The following FBXO34 variants were observed in gnomAD, a reference collection of about 807,000 sequenced individuals.
FBXO34 encodes the protein F-box protein 34.
In FBXO34, 12 loss-of-function variants were observed where a neutral mutation model predicts 24.5. The observed-to-expected ratio is 0.49, with a 90% CI of 0.31 to 0.79. The LOEUF (loss-of-function observed/expected upper bound fraction) is 0.79. Ranked by LOEUF, FBXO34 falls within the 30% of genes least tolerant of loss-of-function variation. FBXO34 has a pLI of 0.04. For missense variants in FBXO34, 823 were observed against 857.7 expected (o/e 0.96, Z 0.51); for synonymous variants, 320 against 311.9 (o/e 1.03, Z -0.27).
At chr14:55,323,017 C>CAAAAAACAAA (rs549349344) in intron 1 of FBXO34, among the ~76,000 whole-genome samples, 1 of 40,896 alleles carries the variant, frequency 2.4e-5, no homozygotes, top group Non-Finnish European at 4.7e-5. Flanking sequence ...ACTAAAAATA[C>CAAAAAACAAA]AAAAAAAAAA....
the FBXO34 span, among the ~76,000 whole-genome samples, chr14:55,426,344 A>G: frequency 6.6e-6 from 1 of 152,160 alleles, no homozygotes; most frequent in Non-Finnish European, 1.5e-5. Context: ...ATGTCATAGA[A>G]AGATTACCAG....
chr14:55,416,371 C>A, the FBXO34 span, among the ~76,000 whole-genome samples: 1 of 152,026 alleles, frequency 6.6e-6, no homozygotes, highest in Non-Finnish European at 1.5e-5. Flanking sequence ...GTGGGAGGAT[C>A]CCTTGAGCCC....
chr14:55,348,626 C>T (rs1245498441), intron 1 of FBXO34, among the ~76,000 whole-genome samples: 1 of 152,086 alleles, frequency 6.6e-6, no homozygotes. Context: ...ACCTATGCCT[C>T]CCAAAGCACT....
chr14:55,330,441 C>G (rs1426762685), intron 1 of FBXO34, among the ~76,000 whole-genome samples: 1 of 151,790 alleles, frequency 6.6e-6, no homozygotes, highest in Non-Finnish European at 1.5e-5. Context: ...TTTTATTTTT[C>G]AAAACTTTTT....
the FBXO34 span, among the ~76,000 whole-genome samples, chr14:55,391,568 TTC>T: frequency 1.3e-5 from 2 of 151,996 alleles, no homozygotes; most frequent in African/African-American, 2.4e-5. Context: ...TTGAAGGACA[TTC>T]TCTAAACCCG....
rs755790443 is a variant in FBXO34, at chr14:55,298,967, C to T, written c.-11+27430C>T. ...CAGCCAAGGCCAAGAAGGCGGCCCA[C>T]GACAACATGGACATCGATAAAGTTG... On this transcript the variant is annotated intron_variant, in intron 1 of 1. Coordinates refer to ENST00000313833, the MANE Select transcript of FBXO34 (RefSeq NM_017943.4). 4.9e-5 allele frequency: 79 copies of T among 1,598,124 alleles called. No homozygotes were observed. In the Middle Eastern group the frequency reaches 1.5e-3, roughly 30 times the overall value.
the FBXO34 span, among the ~76,000 whole-genome samples, chr14:55,433,940 C>G: frequency 6.6e-6 from 1 of 152,080 alleles, no homozygotes; most frequent in Non-Finnish European, 1.5e-5. Context: ...AATTTGAATG[C>G]CTGTTATGTT....
the FBXO34 span, chr14:55,436,812 G>T: frequency 5.0e-6 from 8 of 1,614,196 alleles, no homozygotes; most frequent in Non-Finnish European, 6.8e-6. Flanking sequence ...CTTCAGTTTC[G>T]TGTTTGCTAA....
the FBXO34 span, among the ~76,000 whole-genome samples, chr14:55,406,728 C>A: frequency 5.3e-5 from 8 of 152,146 alleles, no homozygotes; most frequent in African/African-American, 1.9e-4. Context: ...ACAAACTATT[C>A]TTCTTAAAGC....
chr14:55,327,807 T>C (rs1352512491), intron 1 of FBXO34, among the ~76,000 whole-genome samples: 1 of 151,834 alleles, frequency 6.6e-6, no homozygotes, highest in Non-Finnish European at 1.5e-5. Flanking sequence ...CTATATATAT[T>C]GTGCACGAAA....
At chr14:55,376,193 G>A in the FBXO34 span, among the ~76,000 whole-genome samples, 252 of 152,320 alleles carry the variant, frequency 1.7e-3, no homozygotes, top group African/African-American at 5.8e-3. Context: ...ACCATACTAA[G>A]CGTCAGTTTC....
At chr14:55,410,649 T>C in the FBXO34 span, among the ~76,000 whole-genome samples, 6 of 152,182 alleles carry the variant, frequency 3.9e-5, no homozygotes, top group African/African-American at 1.4e-4. Flanking sequence ...GGTACATAGG[T>C]CCAAGCTGTC....
rs1881542750 is a variant in FBXO34, at chr14:55,281,529, G to A, written c.-11+9992G>A. On this transcript the variant is annotated intron_variant, in intron 1 of 1. Coordinates refer to ENST00000313833, the MANE Select transcript of FBXO34 (RefSeq NM_017943.4). The stretch of plus-strand genomic sequence containing the variant: ...ATGAGAACCTGCTCTAGGTTTAGAC[G>A]TCATAAGATAGTCCCACCCTTCCTC... Among the ~76,000 whole-genome samples the A allele has an allele frequency of 1.3e-5, 2 of 152,158 alleles. 1 individual carries two copies. Among genetic ancestry groups the A allele is most frequent in the South Asian group, 4.1e-4 (2 of 4,830 alleles).
chr14:55,306,702 A>C (rs1173638635), intron 1 of FBXO34, among the ~76,000 whole-genome samples: 1 of 152,144 alleles, frequency 6.6e-6, no homozygotes, highest in Non-Finnish European at 1.5e-5. Context: ...ACGTGGTGGC[A>C]CACGCCTGTA....
the FBXO34 span, among the ~76,000 whole-genome samples, chr14:55,414,815 G>A: frequency 1.1e-3 from 161 of 152,252 alleles, no homozygotes; most frequent in Admixed American, 6.7e-3. Context: ...TTTGATCCAC[G>A]TCCTCTCTAG....
At chr14:55,401,292 G>A in the FBXO34 span, among the ~76,000 whole-genome samples, 1 of 150,944 alleles carries the variant, frequency 6.6e-6, no homozygotes, top group Non-Finnish European at 1.5e-5. Flanking sequence ...GGATTATTTA[G>A]CAGGGAAATT....
At chr14:55,298,269 A>C (rs1315088060) in intron 1 of FBXO34, among the ~76,000 whole-genome samples, 1 of 151,578 alleles carries the variant, frequency 6.6e-6, no homozygotes, top group African/African-American at 2.4e-5. Flanking sequence ...TGTGTGGCCC[A>C]AGACAGTTCT....
At chr14:55,375,142 A>G in the FBXO34 span, among the ~76,000 whole-genome samples, 4 of 152,300 alleles carry the variant, frequency 2.6e-5, no homozygotes, top group South Asian at 8.3e-4. Context: ...GTGTAGAGCC[A>G]TTCAAATAAT....
At chr14:55,401,304 G>A in the FBXO34 span, among the ~76,000 whole-genome samples, 16,541 of 151,548 alleles carry the variant, frequency 0.11, 2,519 homozygotes, top group African/African-American at 0.34. Context: ...AGGGAAATTG[G>A]CCATTTTTAT....
Sources: allele counts gnomAD v4.1 joint callset (sites outside exome capture counted in the v4.1 genomes callset), GRCh38; gene constraint gnomAD v4.1.1; transcripts MANE v1.5; gene names NCBI Gene and HGNC (gene_info 2026-07-23, HGNC 2026-07-21).